Variants in PRPF3 observed in about 807,000 individuals in gnomAD.
PRPF3 encodes U4/U6 small nuclear ribonucleoprotein Prp3.
PRPF3 carries 3 observed loss-of-function variants against 89.2 expected under a neutral mutation model. The ratio of observed to expected loss-of-function variants is 0.03; its 90% CI spans 0.02 to 0.09. PRPF3 has a LOEUF of 0.09. PRPF3 is among the 10% of genes least tolerant of loss of function. The pLI is 1.00. For missense variants in PRPF3, 463 were observed against 828.8 expected, an observed-to-expected ratio of 0.56 and a Z score of 5.42; for synonymous variants, 270 against 289.1, an observed-to-expected ratio of 0.93 and a Z score of 0.67.
chr1:150,343,318 A>G lies in PRPF3; in HGVS notation c.1292A>G (p.Asp431Gly). The G allele has an allele frequency of 7.0e-7, 1 of 1,436,276 alleles. No individual in the cohort carries two copies. The highest frequency in any genetic ancestry group is 9.7e-7 in the Non-Finnish European group (1 of 1,031,418). 89.0% of individuals were successfully genotyped at this position (1,436,276 alleles called of 1,614,324 possible). The change falls in exon 10 of 16, where the codon GAC (aspartate) becomes GGC (glycine). Residue 431 changes from aspartate to glycine, a missense_variant. Asp to Gly is a moderately conservative substitution (Grantham distance 94, BLOSUM62 -1). Around this residue, in one of 8 missense-constraint regions of PRPF3, gnomAD observed 261 missense variants for 475.8 expected, o/e 0.55. Transcript: ENST00000324862. ...TATCTCTGCCTGACAGTTGACAATG[A>G]CACACCAGTTACTCTGGGAGTATAT... ...PAQLNPPVDN[D>G]TPVTLGVYLT...
At chr1:150,346,329 A>G (rs1658267694) in intron 13 of PRPF3, 79 bp from the exon 14 acceptor site, 1 of 1,445,128 alleles carries the variant, frequency 6.9e-7, no homozygotes, top group South Asian at 1.1e-5. Flanking sequence ...CAACTACCAC[A>G]TTAATGTCTG....
intron 4 of PRPF3, among the ~76,000 whole-genome samples, chr1:150,328,734 G>A (rs1421544823): frequency 6.6e-6 from 1 of 151,678 alleles, no homozygotes; most frequent in Non-Finnish European, 1.5e-5. Context: ...TGTATTTTTA[G>A]TAGAGATGGG....
rs985426488 is a variant in PRPF3, at chr1:150,350,389, C to T, written c.1905+1171C>T. Reference sequence around the variant, plus strand: ...GCTAATTTTGTATTTTTAGTAGAGACGGGGTTTCGCCATATTGGTCAAGCT... The same window carrying T: ...GCTAATTTTGTATTTTTAGTAGAGATGGGGTTTCGCCATATTGGTCAAGCT... On this transcript the variant is annotated intron_variant, in intron 15 of 15. Coordinates refer to ENST00000324862, the MANE Select transcript of PRPF3 (RefSeq NM_004698.4). Among the ~76,000 whole-genome samples, 22 of 151,530 alleles carry T rather than the reference C, an allele frequency of 1.5e-4. No individual in the cohort carries two copies. In the South Asian group the frequency reaches 3.8e-3, roughly 26 times the overall value.
chr1:150,348,365 A>G (rs1658508980), intron 14 of PRPF3, among the ~76,000 whole-genome samples: 3 of 151,994 alleles, frequency 2.0e-5, no homozygotes, highest in Admixed American at 6.6e-5. Flanking sequence ...TGACAGAGCA[A>G]GACTCCGTCT....
chr1:150,341,211 C>T (rs1657673975), intron 9 of PRPF3, among the ~76,000 whole-genome samples: 1 of 151,686 alleles, frequency 6.6e-6, no homozygotes, highest in Non-Finnish European at 1.5e-5. Context: ...AAAGAGCCCT[C>T]AGCTTGCTCC....
In PRPF3 at chr1:150,324,779, C is replaced by A. The variant is rs35437473; in HGVS notation, c.-48-116C>A. ...CCAGACTGGTCTCGAACTCTTGACC[C>A]CAGGCAGTCCATCCACCTTGGCCTC... On this transcript the variant is annotated intron_variant, in intron 1 of 15. Coordinates refer to ENST00000324862, the MANE Select transcript of PRPF3 (RefSeq NM_004698.4). 54,853 of 704,600 alleles carry A rather than the reference C, an allele frequency of 0.078. 2,537 individuals carry two copies. Among genetic ancestry groups the A allele is most frequent in the Non-Finnish European group, 0.095 (41,429 of 437,284 alleles). 43.6% of individuals were successfully genotyped at this position (704,600 alleles called of 1,614,324 possible).
intron 11 of PRPF3, 60 bp from the exon 12 acceptor site, chr1:150,344,374 A>T: frequency 6.2e-7 from 1 of 1,614,136 alleles, no homozygotes. Context: ...TCTTTCCCTC[A>T]GCCCTGCCTC....
At chr1:150,342,771 C>T (rs587769589) in intron 9 of PRPF3, among the ~76,000 whole-genome samples, 7 of 152,158 alleles carry the variant, frequency 4.6e-5, no homozygotes, top group African/African-American at 1.2e-4. Flanking sequence ...TCTGCCCACC[C>T]GTGCCTCCCA....
At chr1:150,345,906 G>A in intron 12 of PRPF3, 112 bp from the exon 13 acceptor site, 2 of 805,798 alleles carry the variant, frequency 2.5e-6, no homozygotes, top group South Asian at 1.3e-5. Flanking sequence ...TACTCCAGAG[G>A]CCTTTGTTTA....
At chr1:150,352,767 TATAAA>T (rs1553874679) in intron 15 of PRPF3, 61 bp from the exon 16 acceptor site, 2 of 1,545,802 alleles carry the variant, frequency 1.3e-6, no homozygotes, top group African/African-American at 1.4e-5. Flanking sequence ...TAGGTCTTCT[TATAAA>T]AGAATATTAT....
intron 1 of PRPF3, 67 bp from the exon 2 acceptor site, chr1:150,324,828 T>C: frequency 7.7e-7 from 1 of 1,306,136 alleles, no homozygotes; most frequent in South Asian, 1.3e-5. Context: ...ATTACAGGCA[T>C]GAGCCACTGC....
rs1467846345 is a variant in PRPF3 at position 150,338,495 on chromosome 1, G to GTATTTTTTT, written c.1202+170_1202+171insATTTTTTTT. 5.6e-5 allele frequency among the ~76,000 whole-genome samples: 2 copies of GTATTTTTTT among 35,760 alleles called. 1 individual carries two copies. Among genetic ancestry groups the GTATTTTTTT allele is most frequent in the Non-Finnish European group, 1.2e-4 (2 of 17,264 alleles). 23.5% of individuals were successfully genotyped at this position (35,760 alleles called of 152,430 possible). Reference sequence around the variant, plus strand: ...GATAAGTAACTGTACACAAGGTCCTGTTATTTTTTTTTTTTTTTTTTTTGA... The same window carrying GTATTTTTTT: ...GATAAGTAACTGTACACAAGGTCCTGTATTTTTTTTTATTTTTTTTTTTTTTTTTTTTGA... On this transcript the variant is annotated intron_variant, in intron 8 of 15. Coordinates refer to ENST00000324862, the MANE Select transcript of PRPF3 (RefSeq NM_004698.4).
chr1:150,338,930 C>G (rs1657353947), intron 8 of PRPF3, among the ~76,000 whole-genome samples: 1 of 152,116 alleles, frequency 6.6e-6, no homozygotes, highest in Admixed American at 6.6e-5. Flanking sequence ...ATTCTTTTTG[C>G]TCTGTTACAC....
At chr1:150,348,764 T>C (rs1421051772) in intron 14 of PRPF3, 3 of 258,430 alleles carry the variant, frequency 1.2e-5, no homozygotes, top group African/African-American at 2.3e-5. Context: ...CGCTGGCCGA[T>C]AATTTTGATT....
At chr1:150,336,984 A>T (rs1395580254) in intron 7 of PRPF3, among the ~76,000 whole-genome samples, 1 of 150,532 alleles carries the variant, frequency 6.6e-6, no homozygotes, top group African/African-American at 2.4e-5. Flanking sequence ...TTGATTGTAT[A>T]TTGAATGACC....
intron 15 of PRPF3, 147 bp from the exon 16 acceptor site, chr1:150,352,686 G>A (rs1659065432): frequency 1.2e-6 from 1 of 830,444 alleles, no homozygotes; most frequent in East Asian, 2.8e-5. Flanking sequence ...AATATCCAAG[G>A]AAATGGAGGT....
rs193217672 is a variant in PRPF3 at position 150,341,749 on chromosome 1, C to A, written c.1282+1272C>A. On this transcript the variant is annotated intron_variant, in intron 9 of 15. Transcript: ENST00000324862. Reference sequence around the variant, plus strand: ...TGGAGTTTCGCTTTTGTCACCCAGGCTGGAGTGCAATGGCACTATCTCCGT... The same window carrying A: ...TGGAGTTTCGCTTTTGTCACCCAGGATGGAGTGCAATGGCACTATCTCCGT... Among the ~76,000 whole-genome samples the A allele has an allele frequency of 8.5e-5, 12 of 141,042 alleles. No homozygotes were observed. In the East Asian group the frequency reaches 2.6e-3, roughly 30 times the overall value. The allele number at this position is 141,042 out of a possible 152,430, so 92.5% of individuals were successfully genotyped here. A position where few individuals can be genotyped will look rare whatever the true frequency, so the allele number is the denominator to read the frequency against.
In PRPF3 at chr1:150,353,087, G is replaced by T. The variant is rs1659107157; in HGVS notation, c.*108G>T. 6.4e-5 allele frequency: 93 copies of T among 1,463,070 alleles called. No individual in the cohort carries two copies. Among genetic ancestry groups the T allele is most frequent in the Non-Finnish European group, 8.8e-5 (92 of 1,045,524 alleles). The allele number at this position is 1,463,070 out of a possible 1,614,324, so 90.6% of individuals were successfully genotyped here. A position where few individuals can be genotyped will look rare whatever the true frequency, so the allele number is the denominator to read the frequency against. ...CTTGTTTGTGTGATCTCAGAACTGT[G>T]CCAAGCAGACACTGGGACAAAGGGA... On this transcript the variant is annotated 3_prime_UTR_variant, in exon 16 of 16. Transcript: ENST00000324862.
rs56991218 is a variant in PRPF3 at position 150,345,463 on chromosome 1, G to C, written c.1641-555G>C. On this transcript the variant is annotated intron_variant, in intron 12 of 15. Coordinates refer to ENST00000324862, the MANE Select transcript of PRPF3 (RefSeq NM_004698.4). ...CCTCCCAAGTTCAAGCAATTCTCCT[G>C]CCTCAGCCTCCTGAGTAGCTAGGAT... is the stretch of plus-strand genomic sequence containing the variant. The C allele has an allele frequency of 9.8e-3, 1,534 of 157,146 alleles. 21 individuals are homozygous for C. Among genetic ancestry groups the C allele is most frequent in the African/African-American group, 0.034 (1,426 of 41,546 alleles). The allele number at this position is 157,146 out of a possible 1,614,324, so 9.7% of individuals were successfully genotyped here. A position where few individuals can be genotyped will look rare whatever the true frequency, so the allele number is the denominator to read the frequency against.
Sources: gnomAD v4.1 joint callset for allele counts (sites outside exome capture counted in the v4.1 genomes callset) on GRCh38, gnomAD v4.1.1 for gene constraint, gnomAD v4.1.1 regional missense constraint, MANE v1.5 for transcripts, NCBI Gene and HGNC (gene_info 2026-07-23, HGNC 2026-07-21) for gene names.